The following PDZD2 variants were observed in gnomAD, a reference collection of about 807,000 sequenced individuals.
The protein encoded by PDZD2 is PDZ domain containing 2, also known as PDZ domain-containing protein 2.
In PDZD2, 90 loss-of-function variants were observed where a neutral mutation model predicts 220.7. The ratio of observed to expected loss-of-function variants is 0.41; its 90% CI spans 0.34 to 0.49. The LOEUF is 0.49. Ranked by LOEUF, PDZD2 falls within the 20% of genes least tolerant of loss-of-function variation. The pLI, the probability that PDZD2 is intolerant of heterozygous loss-of-function variation, is 0.28. For synonymous variants in PDZD2, 1,375 were observed against 1,450.5 expected, an observed-to-expected ratio of 0.95 and a Z score of 1.18; for missense variants, 3,174 against 3,608.5, an observed-to-expected ratio of 0.88 and a Z score of 3.08.
intron 1 of PDZD2, among the ~76,000 whole-genome samples, chr5:31,744,625 G>C (rs1467364975): frequency 6.6e-6 from 1 of 151,962 alleles, no homozygotes; most frequent in Non-Finnish European, 1.5e-5. Flanking sequence ...GAACAGGAAA[G>C]AATCTCACTG....
chr5:31,725,302 C>A (rs1316245469), intron 1 of PDZD2, among the ~76,000 whole-genome samples: 1 of 143,234 alleles, frequency 7.0e-6, no homozygotes, highest in Non-Finnish European at 1.5e-5. Context: ...CATGCCATTG[C>A]ACTCCAGCCT....
intron 2 of PDZD2, among the ~76,000 whole-genome samples, chr5:31,974,927 CTA>C (rs1452887029): frequency 2.6e-5 from 4 of 152,054 alleles, no homozygotes; most frequent in Non-Finnish European, 5.9e-5. Flanking sequence ...AAACAATAAA[CTA>C]TGTAATGGTA....
intron 2 of PDZD2, among the ~76,000 whole-genome samples, chr5:31,923,181 G>C (rs557021993): frequency 6.6e-6 from 1 of 152,230 alleles, no homozygotes; most frequent in South Asian, 2.1e-4. Flanking sequence ...TGTAATCCCA[G>C]CTACTCAGGG....
intron 16 of PDZD2, 104 bp from the exon 17 acceptor site, chr5:32,072,057 C>T (rs771255581): frequency 6.5e-5 from 51 of 780,824 alleles, no homozygotes; most frequent in Non-Finnish European, 9.8e-5. Context: ...TTCAAGTGAC[C>T]GTTGATTAGA....
intron 2 of PDZD2, among the ~76,000 whole-genome samples, chr5:31,918,388 G>A (rs1265281055): frequency 6.6e-6 from 1 of 152,196 alleles, no homozygotes; most frequent in Non-Finnish European, 1.5e-5. Context: ...ACCAACTAGG[G>A]TGAACAGAGT....
intron 2 of PDZD2, among the ~76,000 whole-genome samples, chr5:31,973,338 C>G (rs180975482): frequency 5.3e-5 from 8 of 152,272 alleles, no homozygotes; most frequent in Admixed American, 5.2e-4. Context: ...CTTTCAAGAT[C>G]AATATGAAAG....
At chr5:31,643,100 G>A (rs78500304) in intron 1 of PDZD2, among the ~76,000 whole-genome samples, 1 of 152,320 alleles carries the variant, frequency 6.6e-6, no homozygotes, top group East Asian at 1.9e-4. Context: ...AATCGAAAGA[G>A]GTACTAAGGT....
chr5:31,836,013 C>G (rs765080426), intron 2 of PDZD2, among the ~76,000 whole-genome samples: 16 of 152,108 alleles, frequency 1.1e-4, no homozygotes, highest in Non-Finnish European at 5.9e-5. Flanking sequence ...CCATGATTGT[C>G]CACCTAAAAA....
At chr5:31,978,646 C>T (rs553944891) in intron 2 of PDZD2, among the ~76,000 whole-genome samples, 15 of 145,036 alleles carry the variant, frequency 1.0e-4, no homozygotes, top group Admixed American at 2.1e-4. Flanking sequence ...ACCCGGGAGG[C>T]GGAGTTGGCA....
chr5:31,999,989 G>A (rs563251784), intron 4 of PDZD2, 150 bp from the exon 5 acceptor site: 54 of 634,418 alleles, frequency 8.5e-5, no homozygotes, highest in African/African-American at 6.1e-4. Flanking sequence ...ATAAACAATC[G>A]CATCCCCAAC....
intron 1 of PDZD2, among the ~76,000 whole-genome samples, chr5:31,703,977 T>C (rs1208833069): frequency 1.4e-5 from 2 of 145,322 alleles, no homozygotes; most frequent in Non-Finnish European, 3.1e-5. Flanking sequence ...CTCTCTCTCT[T>C]TCTTTCCTTT....
chr5:31,688,043 T>C (rs1318064351), intron 1 of PDZD2, among the ~76,000 whole-genome samples: 2 of 152,196 alleles, frequency 1.3e-5, no homozygotes, highest in Non-Finnish European at 2.9e-5. Flanking sequence ...CAGCTTTTTT[T>C]GAATCTTTAG....
intron 1 of PDZD2, among the ~76,000 whole-genome samples, chr5:31,761,075 GTGACGGGAGTGGTGC>G (rs1446505770): frequency 6.6e-6 from 1 of 152,158 alleles, no homozygotes; most frequent in Non-Finnish European, 1.5e-5. Flanking sequence ...AGGGGTGGTG[GTGACGGGAGTGGTGC>G]TGTGTAAGAG....
chr5:31,850,063 A>C (rs188335138), intron 2 of PDZD2, among the ~76,000 whole-genome samples: 6 of 135,796 alleles, frequency 4.4e-5, no homozygotes, highest in African/African-American at 1.6e-4. Flanking sequence ...TGTATATATA[A>C]GTATATATAT....
chr5:31,857,692 C>T (rs34791009), intron 2 of PDZD2, among the ~76,000 whole-genome samples: 34,826 of 152,100 alleles, frequency 0.23, 4,120 homozygotes, highest in South Asian at 0.33. Context: ...CATGAAGTTT[C>T]ATTGTAAGAC....
At chr5:31,768,418 G>A (rs895672121) in intron 1 of PDZD2, among the ~76,000 whole-genome samples, 1 of 152,040 alleles carries the variant, frequency 6.6e-6, no homozygotes, top group African/African-American at 2.4e-5. Context: ...TGAGGTGGGT[G>A]GATCACAAGG....
intron 1 of PDZD2, among the ~76,000 whole-genome samples, chr5:31,711,131 C>T (rs7732202): frequency 0.53 from 80,156 of 151,930 alleles, 21,396 homozygotes; most frequent in African/African-American, 0.6. Context: ...CATTTCTAGA[C>T]ACCAGGGTCC....
At chr5:31,765,513 T>G (rs1751946543) in intron 1 of PDZD2, among the ~76,000 whole-genome samples, 1 of 152,262 alleles carries the variant, frequency 6.6e-6, no homozygotes, top group Admixed American at 6.5e-5. Context: ...TCTCTTTCTG[T>G]CTTCCTCTGG....
At chr5:31,706,114 C>T (rs1208283192) in intron 1 of PDZD2, among the ~76,000 whole-genome samples, 1 of 152,162 alleles carries the variant, frequency 6.6e-6, no homozygotes, top group Non-Finnish European at 1.5e-5. Context: ...TGGTTTTATT[C>T]ACTGATGGAT....
Sources: gnomAD v4.1 joint callset for allele counts (sites outside exome capture counted in the v4.1 genomes callset) on GRCh38, gnomAD v4.1.1 for gene constraint, MANE v1.5 for transcripts, NCBI Gene and HGNC (gene_info 2026-07-23, HGNC 2026-07-21) for gene names.